Variants in SNTG1 observed in about 807,000 individuals in gnomAD.
SNTG1 encodes syntrophin gamma 1.
SNTG1 carries 39 observed loss-of-function variants against 74.7 expected under a neutral mutation model. The ratio of observed to expected loss-of-function variants is 0.52; its 90% CI spans 0.40 to 0.68. The LOEUF (loss-of-function observed/expected upper bound fraction) is 0.68, where lower values mean the gene tolerates loss of function less well. Among genes scored for constraint, SNTG1 ranks in the 30% least tolerant of loss-of-function variants. The pLI, the probability that SNTG1 is intolerant of heterozygous loss-of-function variation, is 0.00. For missense variants in SNTG1, 685 were observed against 609.5 expected, an observed-to-expected ratio of 1.12 and a Z score of -1.30; for synonymous variants, 254 against 217.1, an observed-to-expected ratio of 1.17 and a Z score of -1.49.
chr8:50,559,190 G>T (rs960140492), intron 12 of SNTG1, among the ~76,000 whole-genome samples: 2 of 152,168 alleles, frequency 1.3e-5, no homozygotes, highest in Non-Finnish European at 2.9e-5. Flanking sequence ...GATGAATCTA[G>T]ATGAACATTG....
chr8:50,527,028 C>T (rs2094226392), intron 9 of SNTG1, among the ~76,000 whole-genome samples: 1 of 152,104 alleles, frequency 6.6e-6, no homozygotes, highest in Admixed American at 6.5e-5. Flanking sequence ...ATATTTCTTC[C>T]AGCCATTCTA....
At chr8:50,548,586 A>G (rs999621973) in intron 11 of SNTG1, among the ~76,000 whole-genome samples, 2 of 151,812 alleles carry the variant, frequency 1.3e-5, no homozygotes, top group African/African-American at 4.9e-5. Flanking sequence ...GAGAGGTATA[A>G]AATAGCATAT....
chr8:49,955,585 A>G lies in SNTG1; in HGVS notation c.-103+43354A>G, dbSNP rs561384318. Among the ~76,000 whole-genome samples the G allele has an allele frequency of 2.6e-5, 4 of 152,334 alleles. No homozygotes were observed. The East Asian group carries it at 7.7e-4, about 29-fold the overall frequency. ...TGAATTAACATGATTGGCTCTTACCAGGAACTTAGTAGTATTCTTTTGATT... is the reference window on the plus strand; with the variant it reads ...TGAATTAACATGATTGGCTCTTACCGGGAACTTAGTAGTATTCTTTTGATT... On this transcript the variant is annotated intron_variant, in intron 1 of 18. Transcript: ENST00000642720.
intron 1 of SNTG1, among the ~76,000 whole-genome samples, chr8:50,167,600 C>T (rs1460967742): frequency 6.7e-6 from 1 of 149,524 alleles, no homozygotes; most frequent in Non-Finnish European, 1.5e-5. Context: ...AGTTTGAGGC[C>T]AGCCTGAGCA....
Position 50,195,256 on chromosome 8 carries a change from C to T in SNTG1, c.-28+22621C>T, listed in dbSNP as rs28642790. On this transcript the variant is annotated intron_variant, in intron 2 of 18. Transcript: ENST00000642720. ...GCAGTCACAGGCCTCACACAGCTCC[C>T]ATGCAAACCTAAGGGCTGGTCTCAC... 8.1e-3 allele frequency among the ~76,000 whole-genome samples: 1,232 copies of T among 152,046 alleles called. 21 individuals carry two copies. The highest frequency in any genetic ancestry group is 0.029 in the African/African-American group (1,186 of 41,476).
intron 2 of SNTG1, among the ~76,000 whole-genome samples, chr8:50,350,927 C>A (rs1452643401): frequency 6.6e-6 from 1 of 152,230 alleles, no homozygotes; most frequent in African/African-American, 2.4e-5. Flanking sequence ...GCAGTGGCAA[C>A]CCGTAGGTCC....
intron 17 of SNTG1, among the ~76,000 whole-genome samples, chr8:50,718,321 C>A (rs550278536): frequency 2.6e-5 from 4 of 152,296 alleles, no homozygotes; most frequent in African/African-American, 9.6e-5. Flanking sequence ...GGCACCAAAT[C>A]TGAGGAACTT....
chr8:50,561,948 G>A (rs2130692349), intron 12 of SNTG1, among the ~76,000 whole-genome samples: 1 of 152,156 alleles, frequency 6.6e-6, no homozygotes, highest in South Asian at 2.1e-4. Context: ...TCATTCCTTA[G>A]GGTCAAAATA....
chr8:50,406,499 T>C (rs2092877908), intron 4 of SNTG1, among the ~76,000 whole-genome samples: 1 of 152,324 alleles, frequency 6.6e-6, no homozygotes, highest in South Asian at 2.1e-4. Flanking sequence ...AGTTTACTTA[T>C]TCCTTTCAAA....
At chr8:50,368,903 T>C (rs1171821422) in intron 2 of SNTG1, among the ~76,000 whole-genome samples, 1 of 152,206 alleles carries the variant, frequency 6.6e-6, no homozygotes, top group Non-Finnish European at 1.5e-5. Flanking sequence ...CTCCCATTAT[T>C]GTATTTTGGA....
chr8:50,557,636 C>A (rs2094464179), intron 12 of SNTG1, among the ~76,000 whole-genome samples: 1 of 152,180 alleles, frequency 6.6e-6, no homozygotes, highest in East Asian at 1.9e-4. Context: ...TGTCACTTAT[C>A]AGAACACTTG....
chr8:49,916,847 GA>G (rs200307382), intron 1 of SNTG1, among the ~76,000 whole-genome samples: 77 of 145,718 alleles, frequency 5.3e-4, no homozygotes, highest in East Asian at 2.2e-3. Flanking sequence ...TTCTTCAATA[GA>G]AAAAAAAAAC....
intron 1 of SNTG1, among the ~76,000 whole-genome samples, chr8:50,017,900 T>A (rs1251709019): frequency 6.6e-6 from 1 of 151,936 alleles, no homozygotes; most frequent in Non-Finnish European, 1.5e-5. Flanking sequence ...TGAACAACAC[T>A]ATGAAAAAAG....
rs551874549 is a variant in SNTG1 at position 50,725,190 on chromosome 8, G to C, written c.1284+16212G>C. The stretch of plus-strand genomic sequence containing the variant: ...GATCAACTTATTTGGGCGACGTTTT[G>C]TTTTTAAAATAACTACTAATCCTGT... On this transcript the variant is annotated intron_variant, in intron 17 of 18. Transcript: ENST00000642720. Among the ~76,000 whole-genome samples, 20 of 152,232 alleles carry C rather than the reference G, an allele frequency of 1.3e-4. 1 individual carries two copies. Among genetic ancestry groups the C allele is most frequent in the Non-Finnish European group, 2.8e-4 (19 of 67,974 alleles).
chr8:50,787,032 A>T (rs1010220796), intron 18 of SNTG1, among the ~76,000 whole-genome samples: 1 of 151,956 alleles, frequency 6.6e-6, no homozygotes, highest in African/African-American at 2.4e-5. Flanking sequence ...GTAATACTAT[A>T]AAAAAGGTGA....
At chr8:50,452,371 T>C (rs1205866662) in intron 8 of SNTG1, among the ~76,000 whole-genome samples, 2 of 152,358 alleles carry the variant, frequency 1.3e-5, no homozygotes, top group Non-Finnish European at 2.9e-5. Flanking sequence ...GATTCCTATG[T>C]AAATTTTAAA....
At chr8:50,560,627 C>T (rs980647124) in intron 12 of SNTG1, among the ~76,000 whole-genome samples, 1 of 152,242 alleles carries the variant, frequency 6.6e-6, no homozygotes, top group South Asian at 2.1e-4. Flanking sequence ...AACAGAAAAT[C>T]AGACGCCACG....
intron 13 of SNTG1, among the ~76,000 whole-genome samples, chr8:50,612,145 A>C (rs1232605056): frequency 6.6e-6 from 1 of 152,200 alleles, no homozygotes; most frequent in Non-Finnish European, 1.5e-5. Flanking sequence ...ACAGCAAATA[A>C]AATTAATGCC....
intron 1 of SNTG1, among the ~76,000 whole-genome samples, chr8:50,083,969 T>G (rs1283199381): frequency 1.3e-5 from 2 of 152,212 alleles, no homozygotes; most frequent in East Asian, 3.8e-4. Context: ...TTTGTTGATG[T>G]AACTTTAATT....
Sources: gnomAD v4.1 joint callset for allele counts (sites outside exome capture counted in the v4.1 genomes callset) on GRCh38, gnomAD v4.1.1 for gene constraint, MANE v1.5 for transcripts, NCBI Gene and HGNC (gene_info 2026-07-23, HGNC 2026-07-21) for gene names.